NHSL3: variants seen among roughly 807,000 people sequenced by gnomAD.
The protein encoded by NHSL3 is NHS like 3.
the NHSL3 span, chr1:32,754,328 C>G: frequency 8.8e-6 from 5 of 569,930 alleles, no homozygotes; most frequent in East Asian, 1.3e-4. Flanking sequence ...CACAGGCACA[C>G]GGAGACACAC....
the NHSL3 span, among the ~76,000 whole-genome samples, chr1:32,758,046 C>T: frequency 2.0e-5 from 3 of 152,138 alleles, no homozygotes; most frequent in Admixed American, 2.0e-4. Context: ...AAGCGTTGAT[C>T]CCGCAGATCA....
the NHSL3 span, chr1:32,765,862 G>C: frequency 6.6e-7 from 1 of 1,504,826 alleles, no homozygotes. Context: ...GGGGAGGGAT[G>C]CTCGATGCCT....
the NHSL3 span, chr1:32,767,981 C>T: frequency 8.1e-6 from 13 of 1,611,666 alleles, no homozygotes; most frequent in Admixed American, 2.2e-4. Context: ...CCACTCCCCT[C>T]CCCTCTCCTC....
chr1:32,761,842 GA>G, the NHSL3 span, among the ~76,000 whole-genome samples: 757 of 152,226 alleles, frequency 5.0e-3, 6 homozygotes, highest in Non-Finnish European at 7.4e-3. Context: ...CCTAAGAGGG[GA>G]AGAGTGGGGA....
At chr1:32,768,672 T>C in the NHSL3 span, 1 of 1,614,150 alleles carries the variant, frequency 6.2e-7, no homozygotes, top group Admixed American at 1.7e-5. Context: ...CGGGGCCGGA[T>C]GAAGACAACA....
At chr1:32,747,197 G>T in the NHSL3 span, among the ~76,000 whole-genome samples, 146,596 of 150,764 alleles carry the variant, frequency 0.97, 71,391 homozygotes, top group Non-Finnish European at 1. Context: ...GTTTTGTTTT[G>T]TTTTTTGAGA....
At chr1:32,770,945 G>A in the NHSL3 span, 1 of 1,610,882 alleles carries the variant, frequency 6.2e-7, no homozygotes, top group Non-Finnish European at 8.5e-7. The surrounding 1 kb of genome is among the most constrained non-coding windows in gnomAD (Gnocchi z 8.3). Flanking sequence ...AGCCAAAGTG[G>A]TACTCCCACC....
the NHSL3 span, among the ~76,000 whole-genome samples, chr1:32,762,031 T>G: frequency 6.6e-6 from 1 of 152,210 alleles, no homozygotes; most frequent in African/African-American, 2.4e-5. Context: ...AGAGGGCAGC[T>G]TTATAATGCT....
chr1:32,750,346 C>T, the NHSL3 span, among the ~76,000 whole-genome samples: 3,346 of 152,214 alleles, frequency 0.022, 49 homozygotes, highest in Non-Finnish European at 0.034. Context: ...ATGGAAGGGG[C>T]GATAGAGACA....
chr1:32,753,757 C>G, the NHSL3 span, among the ~76,000 whole-genome samples: 1 of 152,228 alleles, frequency 6.6e-6, no homozygotes, highest in African/African-American at 2.4e-5. Context: ...CTCCTCAGAG[C>G]GGTAGCCTCT....
the NHSL3 span, among the ~76,000 whole-genome samples, chr1:32,752,207 T>C: frequency 6.6e-6 from 1 of 152,224 alleles, no homozygotes; most frequent in East Asian, 1.9e-4. Flanking sequence ...TTTCAAGGAC[T>C]GCACTGTTGT....
chr1:32,752,349 G>A, the NHSL3 span, among the ~76,000 whole-genome samples: 90 of 152,302 alleles, frequency 5.9e-4, no homozygotes, highest in African/African-American at 2.1e-3. Flanking sequence ...TAGTGGAGGG[G>A]CTTGTTCTGG....
At chr1:32,765,623 C>T in the NHSL3 span, 12 of 1,522,524 alleles carry the variant, frequency 7.9e-6, no homozygotes, top group East Asian at 4.9e-5. Flanking sequence ...AGCAGCCCCT[C>T]CCCCTCCTCT....
the NHSL3 span, chr1:32,768,701 C>T: frequency 1.9e-6 from 3 of 1,614,186 alleles, no homozygotes; most frequent in Non-Finnish European, 2.5e-6. Flanking sequence ...TGCAGTCAGA[C>T]CACATCCTAC....
chr1:32,768,668 C>T, the NHSL3 span: 39 of 1,614,036 alleles, frequency 2.4e-5, no homozygotes, highest in Middle Eastern at 4.9e-4. Context: ...CGGACGGGGC[C>T]GGATGAAGAC....
the NHSL3 span, chr1:32,772,460 G>C: frequency 6.0e-6 from 9 of 1,511,760 alleles, no homozygotes; most frequent in Non-Finnish European, 8.0e-6. Context: ...GGCAGTGCTA[G>C]GGTGAGGTCC....
At chr1:32,768,696 T>C in the NHSL3 span, 1 of 1,614,136 alleles carries the variant, frequency 6.2e-7, no homozygotes, top group East Asian at 2.2e-5. Flanking sequence ...CCTTCTGCAG[T>C]CAGACCACAT....
the NHSL3 span, chr1:32,771,504 T>G: frequency 3.5e-6 from 3 of 864,296 alleles, no homozygotes; most frequent in Non-Finnish European, 5.1e-6. Context: ...CCCCACCCCC[T>G]GCCCCTGAGG....
chr1:32,760,525 G>A, the NHSL3 span, among the ~76,000 whole-genome samples: 1 of 151,866 alleles, frequency 6.6e-6, no homozygotes, highest in African/African-American at 2.4e-5. Flanking sequence ...CTGTGCGGTC[G>A]CTCATGGGTG....
Sources: allele counts gnomAD v4.1 joint callset (sites outside exome capture counted in the v4.1 genomes callset), GRCh38; gene constraint gnomAD v4.1.1; non-coding constraint Gnocchi (gnomAD v3.1); transcripts MANE v1.5; gene names NCBI Gene and HGNC (gene_info 2026-07-23, HGNC 2026-07-21).